MAN1A2: variants seen among roughly 807,000 people sequenced by gnomAD.
The protein encoded by MAN1A2 is mannosidase alpha class 1A member 2.
In MAN1A2, 26 loss-of-function variants were observed where a neutral mutation model predicts 75.7. The ratio of observed to expected loss-of-function variants is 0.34; its 90% CI spans 0.25 to 0.48. MAN1A2 has a LOEUF of 0.48. MAN1A2 is among the 20% of genes least tolerant of loss of function. The pLI, the probability that MAN1A2 is intolerant of heterozygous loss-of-function variation, is 0.99. For synonymous variants in MAN1A2, 247 were observed against 264.6 expected, an observed-to-expected ratio of 0.93 and a Z score of 0.65; for missense variants, 562 against 775.5, an observed-to-expected ratio of 0.72 and a Z score of 3.27.
chr1:117,436,337 A>AAG (rs1479934881), intron 5 of MAN1A2, among the ~76,000 whole-genome samples: 2 of 152,172 alleles, frequency 1.3e-5, no homozygotes, highest in African/African-American at 4.8e-5. Context: ...CAGACCCCTG[A>AAG]AGAGAGTGGG....
chr1:117,384,024 C>G (rs1468886185), intron 1 of MAN1A2, among the ~76,000 whole-genome samples: 1 of 152,112 alleles, frequency 6.6e-6, no homozygotes, highest in Non-Finnish European at 1.5e-5. Flanking sequence ...TGTTTTTCTT[C>G]TTTGTCATCT....
chr1:117,415,226 T>C (rs150910783), intron 4 of MAN1A2, among the ~76,000 whole-genome samples: 6 of 152,234 alleles, frequency 3.9e-5, no homozygotes, highest in African/African-American at 1.4e-4. Context: ...AAACCTGTCA[T>C]AAAATTGATA....
At chr1:117,382,169 A>G (rs984004682) in intron 1 of MAN1A2, among the ~76,000 whole-genome samples, 3 of 152,176 alleles carry the variant, frequency 2.0e-5, no homozygotes, top group Admixed American at 6.5e-5. Flanking sequence ...TTTGCTGTGC[A>G]GAAGCTCTTT....
rs142989352 is a variant in MAN1A2 at position 117,472,849 on chromosome 1, A to G, written c.1168+6422A>G. Among the ~76,000 whole-genome samples the G allele has an allele frequency of 7.3e-4, 111 of 152,032 alleles. 1 individual carries two copies. Among genetic ancestry groups the G allele is most frequent in the African/African-American group, 2.6e-3 (109 of 41,522 alleles). ...ACAATTTTTAAAAAGCTCATCAGCT[A>G]TCATTAGCGTTAGTGTATTTTATGT... On this transcript the variant is annotated intron_variant, in intron 8 of 12. Coordinates refer to ENST00000356554, the MANE Select transcript of MAN1A2 (RefSeq NM_006699.5).
At chr1:117,432,262 A>T (rs1648695456) in intron 5 of MAN1A2, among the ~76,000 whole-genome samples, 1 of 152,206 alleles carries the variant, frequency 6.6e-6, no homozygotes, top group Non-Finnish European at 1.5e-5. Flanking sequence ...TAAATGCATA[A>T]TAATGGAATA....
intron 12 of MAN1A2, among the ~76,000 whole-genome samples, chr1:117,508,590 C>G (rs970062728): frequency 6.6e-6 from 1 of 151,264 alleles, no homozygotes; most frequent in African/African-American, 2.4e-5. Context: ...GAGTTATGGA[C>G]AAAGATTTAT....
At position 117,528,575 on chromosome 1, in the gene MAN1A2, C is replaced by T. The variant is rs912167115; in HGVS notation, c.*5618C>T. On this transcript the variant is annotated 3_prime_UTR_variant, in exon 13 of 13. Transcript: ENST00000356554. Reference sequence around the variant, plus strand: ...AAACATAATAAAGATAAGCTCAGTTCTTCATTGGGAAAAAATATTTTTAAA... The same window carrying T: ...AAACATAATAAAGATAAGCTCAGTTTTTCATTGGGAAAAAATATTTTTAAA... The T allele has an allele frequency of 1.3e-5, 2 of 151,952 alleles. No homozygotes were observed. The highest frequency in any genetic ancestry group is 4.8e-5 in the African/African-American group (2 of 41,370). The allele number at this position is 151,952 out of a possible 1,614,324, so 9.4% of individuals were successfully genotyped here. A position where few individuals can be genotyped will look rare whatever the true frequency, so the allele number is the denominator to read the frequency against.
At chr1:117,473,921 CAAAT>C (rs1650237209) in intron 8 of MAN1A2, among the ~76,000 whole-genome samples, 1 of 151,880 alleles carries the variant, frequency 6.6e-6, no homozygotes, top group African/African-American at 2.4e-5. Context: ...AGACAAATAA[CAAAT>C]ATCTTCTTCA....
rs536553975 is a variant in MAN1A2 at position 117,402,870 on chromosome 1, T to G, written c.558+429T>G. Among the ~76,000 whole-genome samples, 158 of 152,222 alleles carry G rather than the reference T, an allele frequency of 1.0e-3. 1 individual carries two copies. Among genetic ancestry groups the G allele is most frequent in the Non-Finnish European group, 1.3e-3 (89 of 67,956 alleles). ...TATCTCCAATTTTTTAAGGAACATG[T>G]CATGGTATCCCTCAACTATACTGTA... On this transcript the variant is annotated intron_variant, in intron 2 of 12. Coordinates refer to ENST00000356554, the MANE Select transcript of MAN1A2 (RefSeq NM_006699.5).
intron 1 of MAN1A2, among the ~76,000 whole-genome samples, chr1:117,377,627 G>A (rs74112244): frequency 6.6e-6 from 1 of 152,012 alleles, no homozygotes; most frequent in Non-Finnish European, 1.5e-5. Flanking sequence ...TGTCAGCAGG[G>A]TATTAGTTAA....
At chr1:117,393,107 C>G (rs1249690878) in intron 1 of MAN1A2, among the ~76,000 whole-genome samples, 2 of 152,138 alleles carry the variant, frequency 1.3e-5, no homozygotes, top group Admixed American at 6.6e-5. Context: ...CTATGTGATT[C>G]TTAAGATGAT....
intron 3 of MAN1A2, among the ~76,000 whole-genome samples, chr1:117,407,677 TA>T (rs1354055736): frequency 6.6e-6 from 1 of 152,226 alleles, no homozygotes. Context: ...TACATGCAGA[TA>T]ACAGAAAATC....
chr1:117,467,501 A>G (rs1355025778), intron 8 of MAN1A2, among the ~76,000 whole-genome samples: 1 of 152,128 alleles, frequency 6.6e-6, no homozygotes, highest in Admixed American at 6.6e-5. Flanking sequence ...GGATCTGGGA[A>G]TAGATCTCAA....
intron 6 of MAN1A2, among the ~76,000 whole-genome samples, chr1:117,452,012 CAG>C (rs1649433274): frequency 6.7e-6 from 1 of 149,380 alleles, no homozygotes; most frequent in South Asian, 2.1e-4. Flanking sequence ...AACAAAAAAA[CAG>C]AAAAAAACCC....
chr1:117,372,899 T>C (rs1014826864), intron 1 of MAN1A2, among the ~76,000 whole-genome samples: 1 of 152,106 alleles, frequency 6.6e-6, no homozygotes, highest in Non-Finnish European at 1.5e-5. Flanking sequence ...TTAGTCTGAA[T>C]TGAATACTTG....
intron 5 of MAN1A2, among the ~76,000 whole-genome samples, chr1:117,432,880 AAG>A (rs1209335556): frequency 1.3e-5 from 2 of 148,878 alleles, no homozygotes; most frequent in Non-Finnish European, 3.0e-5. Context: ...AATAATATAA[AAG>A]ATATATATAT....
At chr1:117,462,726 AT>A (rs971214265) in intron 7 of MAN1A2, among the ~76,000 whole-genome samples, 1 of 152,148 alleles carries the variant, frequency 6.6e-6, no homozygotes, top group African/African-American at 2.4e-5. Context: ...GGAAAACGTA[AT>A]TTTTGGAGCT....
intron 4 of MAN1A2, among the ~76,000 whole-genome samples, chr1:117,419,907 G>T (rs933708134): frequency 2.0e-5 from 3 of 151,864 alleles, no homozygotes; most frequent in African/African-American, 7.2e-5. Flanking sequence ...TTGGTTTTAT[G>T]CTTAAGTACC....
intron 1 of MAN1A2, among the ~76,000 whole-genome samples, chr1:117,398,175 C>T (rs760094198): frequency 9.2e-5 from 14 of 152,110 alleles, no homozygotes; most frequent in Non-Finnish European, 1.9e-4. Context: ...ACAGGCATTA[C>T]TCAAAGAATC....
Sources: gnomAD v4.1 joint callset for allele counts (sites outside exome capture counted in the v4.1 genomes callset) on GRCh38, gnomAD v4.1.1 for gene constraint, MANE v1.5 for transcripts, NCBI Gene and HGNC (gene_info 2026-07-23, HGNC 2026-07-21) for gene names.